Variants in KAT6A observed in about 807,000 individuals in gnomAD.
KAT6A encodes lysine acetyltransferase 6A.
In KAT6A, 9 loss-of-function variants were observed where a neutral mutation model predicts 198.4. That is an observed-to-expected ratio of 0.05 (90% CI 0.03 to 0.08). KAT6A has a LOEUF of 0.08. Among genes scored for constraint, KAT6A ranks in the 10% least tolerant of loss-of-function variants. The pLI is 1.00. For synonymous variants in KAT6A, 890 were observed against 883.0 expected (o/e 1.01, Z -0.14); for missense variants, 2,077 against 2,509.9 (o/e 0.83, Z 3.69).
intron 2 of KAT6A, among the ~76,000 whole-genome samples, chr8:42,043,269 A>C (rs961349675): frequency 6.6e-6 from 1 of 152,208 alleles, no homozygotes; most frequent in Non-Finnish European, 1.5e-5. Context: ...TTCAAAAAGA[A>C]ATTTACAAAG....
At chr8:42,002,013 G>C (rs1825518777) in intron 2 of KAT6A, among the ~76,000 whole-genome samples, 2 of 149,206 alleles carry the variant, frequency 1.3e-5, no homozygotes, top group Admixed American at 1.4e-4. Flanking sequence ...CGAGAGATAA[G>C]ACTAAAATTC....
At position 41,930,571 on chromosome 8, in the gene KAT6A, T is replaced by C. The variant is rs1457440654; in HGVS notation, c.*1634A>G. On this transcript the variant is annotated 3_prime_UTR_variant, in exon 17 of 17. Transcript: ENST00000265713. ...TGTACAAATAAAGGAGAGAATTTAA[T>C]GCTTACAGATATTTCTCTAAGCAGT... 2.1e-5 allele frequency: 4 copies of C among 188,448 alleles called. No homozygotes were observed. The highest frequency in any genetic ancestry group is 4.4e-5 in the Non-Finnish European group (4 of 89,920). The allele number at this position is 188,448 out of a possible 1,614,324, so 11.7% of individuals were successfully genotyped here. A position where few individuals can be genotyped will look rare whatever the true frequency, so the allele number is the denominator to read the frequency against.
At chr8:42,050,285 T>TC (rs1441582912) in intron 1 of KAT6A, among the ~76,000 whole-genome samples, 1 of 152,342 alleles carries the variant, frequency 6.6e-6, no homozygotes, top group East Asian at 1.9e-4. Flanking sequence ...AAAGTCAGTA[T>TC]CCCTATAAAA....
chr8:41,932,272 T>C lies in KAT6A; in HGVS notation c.5948A>G (p.His1983Arg), dbSNP rs1332245402. Residue 1983 changes from histidine (H) to arginine (R), a missense_variant, in exon 17 of 17, where the codon CAT becomes CGT. Physicochemically the swap from His to Arg is conservative, Grantham distance 29. This residue lies in a region of KAT6A where 500 missense variants were observed against 577.2 expected (regional missense o/e 0.87). Coordinates refer to ENST00000265713, the MANE Select transcript of KAT6A (RefSeq NM_006766.5). ...GCCAGCAGCGTTCATGTAGCTGTGA[T>C]GGGAGGGGCCTGTGTACATCATGTT... is the stretch of plus-strand genomic sequence containing the variant. ...HGNMMYTGPS[H>R]HSYMNAAGVP... is the part of the protein sequence containing the mutation. 10 of 1,614,114 alleles carry C rather than the reference T, an allele frequency of 6.2e-6. No individual in the cohort carries two copies. Among genetic ancestry groups the C allele is most frequent in the Non-Finnish European group, 5.9e-6 (7 of 1,179,990 alleles).
chr8:41,964,143 G>A (rs1003678985), intron 8 of KAT6A, among the ~76,000 whole-genome samples: 2 of 152,122 alleles, frequency 1.3e-5, no homozygotes, highest in African/African-American at 2.4e-5. Flanking sequence ...TAAGGCCATG[G>A]AGTCAGAATA....
intron 2 of KAT6A, among the ~76,000 whole-genome samples, chr8:42,014,964 C>G (rs981381675): frequency 1.2e-4 from 18 of 152,214 alleles, no homozygotes; most frequent in Non-Finnish European, 2.4e-4. Context: ...GTTCAGTTCT[C>G]TAAGGAGCTG....
intron 11 of KAT6A, among the ~76,000 whole-genome samples, chr8:41,946,956 G>C (rs1305807268): frequency 6.6e-6 from 1 of 152,170 alleles, no homozygotes; most frequent in Non-Finnish European, 1.5e-5. Flanking sequence ...GTACGCCAAT[G>C]CCTAAGGATC....
intron 3 of KAT6A, 50 bp downstream of exon 3, chr8:41,987,405 G>T: frequency 9.2e-7 from 1 of 1,086,094 alleles, no homozygotes; most frequent in Non-Finnish European, 1.4e-6. Flanking sequence ...CATACTTTCC[G>T]CTTGCCTTCG....
At chr8:41,990,158 T>C (rs1436136041) in intron 2 of KAT6A, among the ~76,000 whole-genome samples, 1 of 152,150 alleles carries the variant, frequency 6.6e-6, no homozygotes, top group African/African-American at 2.4e-5. Context: ...TGGGAGATTT[T>C]AGGCAGAGGA....
In KAT6A at chr8:42,048,956, G is replaced by A. The variant is rs763626650; in HGVS notation, c.22C>T (p.Leu8Phe). 3 of 1,613,008 alleles carry A rather than the reference G, an allele frequency of 1.9e-6. No homozygotes were observed. Among genetic ancestry groups the A allele is most frequent in the Admixed American group, 1.7e-5 (1 of 59,896 alleles). MVKLANPLYTEWILEAIK... is the reference protein window; with the variant it reads MVKLANPFYTEWILEAIK... ...GCCTCCAAAATCCACTCAGTATAAA[G>A]CGGGTTTGCGAGTTTTACCATGGTG... The change falls in exon 2 of 17, where the codon CTT (leucine) becomes TTT (phenylalanine). Residue 8 changes from leucine (L) to phenylalanine (F), a missense_variant. Physicochemically the swap from Leu to Phe is conservative, Grantham distance 22. This residue lies in a region of KAT6A where 35 missense variants were observed against 76.6 expected (regional missense o/e 0.46). Transcript: ENST00000265713.
intron 2 of KAT6A, among the ~76,000 whole-genome samples, chr8:42,031,411 T>C (rs1236432417): frequency 6.6e-6 from 1 of 152,110 alleles, no homozygotes; most frequent in African/African-American, 2.4e-5. Context: ...CTATAAATTT[T>C]GAGAGGATAA....
chr8:41,965,568 G>A (rs143773919), intron 8 of KAT6A, among the ~76,000 whole-genome samples: 7 of 152,192 alleles, frequency 4.6e-5, no homozygotes, highest in Admixed American at 1.3e-4. Flanking sequence ...TTATTACAGC[G>A]TCAGAGAACC....
chr8:41,934,113 G>C lies in KAT6A; in HGVS notation c.4107C>G (p.Thr1369=). The C allele has an allele frequency of 1.2e-6, 2 of 1,613,996 alleles. No individual in the cohort carries two copies. Among genetic ancestry groups the C allele is most frequent in the South Asian group, 1.1e-5 (1 of 91,058 alleles). ...SREKIKDKEE[T]ELDSEEEQPS... is the part of the protein sequence containing the mutation. ...GCTGCTCCTCTTCGGAATCCAGCTC[G>C]GTTTCCTCTTTATCCTTTATCTTTT... Residue 1369 remains threonine (T), a synonymous_variant, in exon 17 of 17, where the codon ACC becomes ACG. Transcript: ENST00000265713.
intron 2 of KAT6A, among the ~76,000 whole-genome samples, chr8:42,020,146 GCCAAAT>G (rs1176657260): frequency 6.6e-6 from 1 of 152,118 alleles, no homozygotes; most frequent in African/African-American, 2.4e-5. Context: ...TAGCCTGCAA[GCCAAAT>G]CCAGTCTACC....
chr8:41,997,107 T>C (rs1825253647), intron 2 of KAT6A, among the ~76,000 whole-genome samples: 1 of 152,180 alleles, frequency 6.6e-6, no homozygotes, highest in Admixed American at 6.5e-5. Flanking sequence ...GAAAAGAAAT[T>C]GATGGTATCA....
rs1428378689 is a variant in KAT6A, at chr8:41,929,520, TAC to T, written c.*2683_*2684del. On this transcript the variant is annotated 3_prime_UTR_variant, in exon 17 of 17. Coordinates refer to ENST00000265713, the MANE Select transcript of KAT6A (RefSeq NM_006766.5). Reference sequence around the variant, plus strand: ...ATAATTTATTTTTTATGTTAAAATGTACAGAGTTCTTTTGAAAGTACTTGCTA... The same window carrying T: ...ATAATTTATTTTTTATGTTAAAATGTAGAGTTCTTTTGAAAGTACTTGCTA... 5.5e-6 allele frequency: 1 copy of T among 183,088 alleles called. No individual in the cohort carries two copies. The highest frequency in any genetic ancestry group is 6.3e-5 in the Admixed American group (1 of 15,986). 11.3% of individuals were successfully genotyped at this position (183,088 alleles called of 1,614,324 possible).
chr8:42,020,047 T>C (rs1371448785), intron 2 of KAT6A, among the ~76,000 whole-genome samples: 2 of 152,238 alleles, frequency 1.3e-5, no homozygotes, highest in Non-Finnish European at 2.9e-5. Context: ...GTTATCAATG[T>C]AATTACCTTC....
At chr8:41,941,762 A>C (rs12543801) in intron 14 of KAT6A, among the ~76,000 whole-genome samples, 3 of 152,134 alleles carry the variant, frequency 2.0e-5, no homozygotes, top group Non-Finnish European at 4.4e-5. Context: ...GCTGGGATAG[A>C]AAGCCTGGCA....
intron 2 of KAT6A, among the ~76,000 whole-genome samples, chr8:42,036,598 G>C (rs1010751196): frequency 2.0e-5 from 3 of 152,172 alleles, no homozygotes; most frequent in African/African-American, 7.2e-5. Context: ...GGGTGACAGA[G>C]CAAGACTCCA....
Sources: allele counts gnomAD v4.1 joint callset (sites outside exome capture counted in the v4.1 genomes callset), GRCh38; gene constraint gnomAD v4.1.1; regional missense constraint gnomAD v4.1.1; transcripts MANE v1.5; gene names NCBI Gene and HGNC (gene_info 2026-07-23, HGNC 2026-07-21).